Variants in COL6A6 observed in about 807,000 individuals in gnomAD.
COL6A6 encodes collagen alpha-6(VI) chain.
In COL6A6, 183 loss-of-function variants were observed where a neutral mutation model predicts 208.6. The ratio of observed to expected loss-of-function variants is 0.88; its 90% CI spans 0.78 to 0.99. The LOEUF (loss-of-function observed/expected upper bound fraction) is 0.99, where lower values mean the gene tolerates loss of function less well. Ranked by LOEUF, COL6A6 falls within the 50% of genes least tolerant of loss-of-function variation. The pLI is 0.00. For synonymous variants in COL6A6, 973 were observed against 1,011.8 expected (o/e 0.96, Z 0.73); for missense variants, 2,816 against 2,815.2 (o/e 1.00, Z -0.01).
chr3:130,594,831 C>A (rs1002546259), intron 18 of COL6A6, among the ~76,000 whole-genome samples: 1 of 152,182 alleles, frequency 6.6e-6, no homozygotes, highest in African/African-American at 2.4e-5. Context: ...AGCAAAAGGA[C>A]GTCTTATATG....
Position 130,531,015 on chromosome 3 carries a change from TACACACACACACACACACACACAGAC to T in COL6A6, c.-32+13638_-32+13663del, listed in dbSNP as rs1224865337. Among the ~76,000 whole-genome samples, 229 of 143,810 alleles carry T rather than the reference TACACACACACACACACACACACAGAC, an allele frequency of 1.6e-3. 4 individuals carry two copies. In the East Asian group the frequency reaches 0.038, roughly 24 times the overall value. The allele number at this position is 143,810 out of a possible 152,430, so 94.3% of individuals were successfully genotyped here. On this transcript the variant is annotated intron_variant, in intron 1 of 36. Coordinates refer to ENST00000358511, the MANE Select transcript of COL6A6 (RefSeq NM_001102608.3). ...TTCTCTCCTCTCCACCCCCCTCCTCTACACACACACACACACACACACAGACACACACACACACACACACAGTCTCT... is the reference window on the plus strand; with the variant it reads ...TTCTCTCCTCTCCACCCCCCTCCTCTACACACACACACACACACAGTCTCT...
rs191342779 is a variant in COL6A6 at position 130,590,377 on chromosome 3, A to T, written c.4219-664A>T. Among the ~76,000 whole-genome samples, 785 of 123,472 alleles carry T rather than the reference A, an allele frequency of 6.4e-3. 27 individuals carry two copies. Among genetic ancestry groups the T allele is most frequent in the Admixed American group, 0.056 (583 of 10,480 alleles). 81.0% of individuals were successfully genotyped at this position (123,472 alleles called of 152,430 possible). A position where few individuals can be genotyped will look rare whatever the true frequency, so the allele number is the denominator to read the frequency against. On this transcript the variant is annotated intron_variant, in intron 12 of 36. Coordinates refer to ENST00000358511, the MANE Select transcript of COL6A6 (RefSeq NM_001102608.3). Reference sequence around the variant, plus strand: ...TGCACAACGTGCAGGTCTTTTACATATGTATACATGTGCCATGTTGGTGTG... The same window carrying T: ...TGCACAACGTGCAGGTCTTTTACATTTGTATACATGTGCCATGTTGGTGTG...
Position 130,649,176 on chromosome 3 carries a change from C to T in COL6A6, c.5347C>T (p.Leu1783=), listed in dbSNP as rs1218886758. The T allele has an allele frequency of 2.5e-6, 4 of 1,595,394 alleles. No homozygotes were observed. In the African/African-American group the frequency reaches 5.4e-5, roughly 21 times the overall value. Residue 1783 remains leucine, a synonymous_variant, in exon 33 of 37, where the codon CTG becomes TTG. Coordinates refer to ENST00000358511, the MANE Select transcript of COL6A6 (RefSeq NM_001102608.3). ...FERMKEMMAF[L]VRDIKVRENS... ...GCGGATGAAGGAGATGATGGCTTTC[C>T]TGGTGAGAGACATTAAGGTCCGGGA... is the stretch of plus-strand genomic sequence containing the variant.
At chr3:130,664,929 T>G in intron 35 of COL6A6, 74 bp from the exon 36 acceptor site, 1 of 972,858 alleles carries the variant, frequency 1.0e-6, no homozygotes, top group Admixed American at 2.2e-5. Context: ...AAAGTGGCAC[T>G]TTGTGTACAG....
At chr3:130,536,833 C>T (rs1452623867) in intron 1 of COL6A6, among the ~76,000 whole-genome samples, 1 of 152,180 alleles carries the variant, frequency 6.6e-6, no homozygotes, top group Non-Finnish European at 1.5e-5. Flanking sequence ...ATGAAGCACA[C>T]TTGAATAATA....
At chr3:130,547,042 G>A (rs2062524029) in intron 1 of COL6A6, among the ~76,000 whole-genome samples, 3 of 152,210 alleles carry the variant, frequency 2.0e-5, no homozygotes, top group Admixed American at 6.5e-5. Context: ...GGAGCTGCCC[G>A]CCAGTCCTGC....
At chr3:130,655,907 G>T (rs2065775476) in intron 33 of COL6A6, among the ~76,000 whole-genome samples, 1 of 152,228 alleles carries the variant, frequency 6.6e-6, no homozygotes, top group Admixed American at 6.5e-5. Context: ...GGCAAGCCAG[G>T]CATGGAGCAG....
intron 33 of COL6A6, among the ~76,000 whole-genome samples, chr3:130,656,932 G>A (rs969954615): frequency 6.6e-6 from 1 of 152,260 alleles, no homozygotes; most frequent in Non-Finnish European, 1.5e-5. Context: ...GGAGCAGAGA[G>A]AGGCTAGGTA....
intron 33 of COL6A6, among the ~76,000 whole-genome samples, chr3:130,655,891 G>A (rs2065775077): frequency 6.6e-6 from 1 of 152,194 alleles, no homozygotes; most frequent in African/African-American, 2.4e-5. Flanking sequence ...TCTCATACCT[G>A]CCAAGGGCAA....
At chr3:130,573,791 G>A (rs777117217) in intron 7 of COL6A6, among the ~76,000 whole-genome samples, 165 bp from the exon 8 acceptor site, 9 of 151,644 alleles carry the variant, frequency 5.9e-5, no homozygotes, top group Admixed American at 1.3e-4. Flanking sequence ...GGATGGTCTC[G>A]CTCTCCTGAC....
chr3:130,611,706 G>C (rs2064364540), intron 23 of COL6A6, among the ~76,000 whole-genome samples: 1 of 152,164 alleles, frequency 6.6e-6, no homozygotes, highest in African/African-American at 2.4e-5. Context: ...ATATGTAAGT[G>C]GTTGTGTTTA....
intron 23 of COL6A6, among the ~76,000 whole-genome samples, chr3:130,612,786 A>G (rs1340182786): frequency 2.0e-5 from 3 of 152,018 alleles, no homozygotes; most frequent in African/African-American, 7.2e-5. Context: ...ATGGAGTGGG[A>G]TTGAGCATAT....
chr3:130,666,214 T>C (rs2066071275), intron 36 of COL6A6, among the ~76,000 whole-genome samples: 2 of 152,110 alleles, frequency 1.3e-5, no homozygotes, highest in Non-Finnish European at 2.9e-5. Context: ...CGATCCAAGA[T>C]TGGAAAAAAG....
chr3:130,670,021 A>G (rs2066172964), intron 36 of COL6A6, among the ~76,000 whole-genome samples: 1 of 152,198 alleles, frequency 6.6e-6, no homozygotes, highest in Admixed American at 6.5e-5. Flanking sequence ...AAGGCCAGGG[A>G]GGCACTCCTA....
intron 20 of COL6A6, among the ~76,000 whole-genome samples, chr3:130,604,484 G>C (rs1369675081): frequency 1.4e-5 from 2 of 142,252 alleles, no homozygotes; most frequent in Non-Finnish European, 3.0e-5. Context: ...GACAGAGCGA[G>C]ACTCCGTCTC....
chr3:130,570,711 A>C, intron 6 of COL6A6, 107 bp from the exon 7 acceptor site: 1 of 790,660 alleles, frequency 1.3e-6, no homozygotes, highest in Non-Finnish European at 2.0e-6. Flanking sequence ...AATGCACAGC[A>C]TGATCCCCTT....
Position 130,649,088 on chromosome 3 carries a change from G to A in COL6A6, c.5259G>A (p.Val1753=). ...TTTTAGGAAAACCGGAATGCCCAGT[G>A]CACCCAACCGAGTTGGTGTTTGCCC... is the stretch of plus-strand genomic sequence containing the variant. ...PGRHGKPECP[V]HPTELVFALD... Residue 1753 remains valine (V), a synonymous_variant, in exon 33 of 37, where the codon GTG becomes GTA. Transcript: ENST00000358511. The A allele has an allele frequency of 6.4e-7, 1 of 1,569,462 alleles. No homozygotes were observed. Among genetic ancestry groups the A allele is most frequent in the African/African-American group, 1.4e-5 (1 of 73,610 alleles).
intron 25 of COL6A6, 104 bp from the exon 26 acceptor site, chr3:130,627,214 CT>C: frequency 9.6e-7 from 1 of 1,038,088 alleles, no homozygotes; most frequent in Non-Finnish European, 1.5e-6. Context: ...CTGTGTCCTG[CT>C]TTTCCTTTAT....
chr3:130,598,205 G>A (rs951917728), intron 18 of COL6A6, among the ~76,000 whole-genome samples, 160 bp from the exon 19 acceptor site: 1 of 152,174 alleles, frequency 6.6e-6, no homozygotes, highest in Admixed American at 6.5e-5. Flanking sequence ...AGGAGGAAAA[G>A]AAAATACTTG....
Sources: allele counts gnomAD v4.1 joint callset (sites outside exome capture counted in the v4.1 genomes callset), GRCh38; gene constraint gnomAD v4.1.1; transcripts MANE v1.5; gene names NCBI Gene and HGNC (gene_info 2026-07-23, HGNC 2026-07-21).